LINGO1: variants seen among roughly 807,000 people sequenced by gnomAD.
LINGO1 encodes leucine-rich repeat and immunoglobulin-like domain-containing nogo receptor-interacting protein 1.
Under a neutral mutation model 37.3 loss-of-function variants are expected in LINGO1, and 11 were observed. The ratio of observed to expected loss-of-function variants is 0.29; its 90% CI spans 0.19 to 0.49. LINGO1 has a LOEUF of 0.49. Among genes scored for constraint, LINGO1 ranks in the 20% least tolerant of loss-of-function variants. LINGO1 has a pLI of 0.99. For synonymous variants in LINGO1, 387 were observed against 403.0 expected, an observed-to-expected ratio of 0.96 and a Z score of 0.48; for missense variants, 585 against 878.2, an observed-to-expected ratio of 0.67 and a Z score of 4.22.
At chr15:77,746,807 C>T (rs1455485151) in intron 1 of LINGO1, among the ~76,000 whole-genome samples, 3 of 152,156 alleles carry the variant, frequency 2.0e-5, no homozygotes, top group Admixed American at 6.5e-5. Flanking sequence ...AATGAATGTG[C>T]TGGCCAGAGC....
At chr15:77,777,322 G>A (rs1195993820) in intron 1 of LINGO1, among the ~76,000 whole-genome samples, 6 of 151,792 alleles carry the variant, frequency 4.0e-5, no homozygotes, top group East Asian at 1.9e-4. Flanking sequence ...CAGCACAGGC[G>A]CACACACTTG....
At chr15:77,760,484 G>T (rs993444160) in intron 1 of LINGO1, among the ~76,000 whole-genome samples, 2 of 152,232 alleles carry the variant, frequency 1.3e-5, no homozygotes, top group Non-Finnish European at 2.9e-5. Flanking sequence ...TAGGAATCTG[G>T]ATTTCTGGTT....
At chr15:77,670,085 G>C (rs958199435) in intron 3 of LINGO1, among the ~76,000 whole-genome samples, 1 of 152,182 alleles carries the variant, frequency 6.6e-6, no homozygotes, top group African/African-American at 2.4e-5. Context: ...CTGAGCAATG[G>C]AAGCCAGGCA....
At chr15:77,752,689 C>G (rs2076383595) in intron 1 of LINGO1, among the ~76,000 whole-genome samples, 1 of 152,208 alleles carries the variant, frequency 6.6e-6, no homozygotes, top group South Asian at 2.1e-4. Context: ...CGGATTCTGA[C>G]ACCAGAGCAG....
At chr15:77,644,475 A>C (rs1054596158) in intron 3 of LINGO1, among the ~76,000 whole-genome samples, 7 of 152,166 alleles carry the variant, frequency 4.6e-5, no homozygotes, top group Admixed American at 2.0e-4. Context: ...TTGAGCATCT[A>C]CCTGCTTCTT....
In LINGO1 at chr15:77,695,859, T is replaced by G. The variant is rs1421333741; in HGVS notation, c.-281+532A>C. On this transcript the variant is annotated intron_variant, in intron 1 of 3. Transcript: ENST00000559893. Reference sequence around the variant, plus strand: ...AAGGTTTAAGCAACAGCCTTTCCACTGAACATTTTAGAAGAAAAATATCTT... The same window carrying G: ...AAGGTTTAAGCAACAGCCTTTCCACGGAACATTTTAGAAGAAAAATATCTT... 3 of 150,886 alleles carry G rather than the reference T, an allele frequency of 2.0e-5. No homozygotes were observed. The South Asian group carries it at 6.3e-4, about 31-fold the overall frequency. The allele number at this position is 150,886 out of a possible 1,614,324, so 9.3% of individuals were successfully genotyped here.
At chr15:77,738,971 G>C (rs928013578) in intron 1 of LINGO1, among the ~76,000 whole-genome samples, 1 of 152,268 alleles carries the variant, frequency 6.6e-6, no homozygotes, top group Non-Finnish European at 1.5e-5. Context: ...AGGTGGAAGC[G>C]AGACTGAGGT....
chr15:77,638,132 T>G (rs928040161), upstream of LINGO1, among the ~76,000 whole-genome samples: 1 of 152,242 alleles, frequency 6.6e-6, no homozygotes, highest in Non-Finnish European at 1.5e-5. Flanking sequence ...ACAGAAGCCC[T>G]GGCAGAGAAA....
chr15:77,713,210 T>TTGCG (rs1555533525), intron 2 of LINGO1, among the ~76,000 whole-genome samples: 1 of 123,722 alleles, frequency 8.1e-6, no homozygotes, highest in Non-Finnish European at 1.6e-5. Context: ...GCCCAGCTAA[T>TTGCG]TGTGTGTGTG....
intron 2 of LINGO1, among the ~76,000 whole-genome samples, chr15:77,718,163 C>T (rs1199871129): frequency 6.6e-6 from 1 of 150,940 alleles, no homozygotes; most frequent in Non-Finnish European, 1.5e-5. Context: ...GAGCCACCTT[C>T]TTCCAGGGCC....
At chr15:77,808,596 GCA>G (rs1041467157) in intron 1 of LINGO1, among the ~76,000 whole-genome samples, 1 of 152,152 alleles carries the variant, frequency 6.6e-6, no homozygotes, top group African/African-American at 2.4e-5. Context: ...CCCAGCTGCA[GCA>G]CAGACTCCCC....
intron 1 of LINGO1, among the ~76,000 whole-genome samples, chr15:77,770,163 G>C (rs369220012): frequency 1.3e-5 from 2 of 152,152 alleles, no homozygotes; most frequent in African/African-American, 2.4e-5. Flanking sequence ...AGAGCAGCAG[G>C]CTCCGAAACC....
chr15:77,703,766 G>GT (rs34924506), intron 2 of LINGO1, among the ~76,000 whole-genome samples: 11,931 of 152,220 alleles, frequency 0.078, 511 homozygotes, highest in Middle Eastern at 0.13. Flanking sequence ...CCAGCTGCTG[G>GT]TGACAGGACC....
intron 1 of LINGO1, among the ~76,000 whole-genome samples, chr15:77,629,698 C>T (rs2074196578): frequency 6.6e-6 from 1 of 152,218 alleles, no homozygotes; most frequent in African/African-American, 2.4e-5. Flanking sequence ...TCTGTCCCAT[C>T]CCAGGGGCCA....
Position 77,632,884 on chromosome 15 carries a change from G to T in LINGO1, c.-569C>A, listed in dbSNP as rs1333819795. ...GCGCCGGCTCCCGCTCGGGCTCCGC[G>T]CTCTGCAGCGGCGCGGGGAGGGAGC... On this transcript the variant is annotated 5_prime_UTR_variant, in exon 1 of 2. Transcript: ENST00000355300. The surrounding 1 kb of genome is among the most constrained non-coding windows in gnomAD (Gnocchi z 6.0). 6.6e-6 allele frequency among the ~76,000 whole-genome samples: 1 copy of T among 150,578 alleles called. No individual in the cohort carries two copies. The highest frequency in any genetic ancestry group is 1.5e-5 in the Non-Finnish European group (1 of 67,408).
chr15:77,699,605 T>G (rs547604682), upstream of LINGO1, among the ~76,000 whole-genome samples: 336 of 143,888 alleles, frequency 2.3e-3, no homozygotes, highest in African/African-American at 8.4e-3. Flanking sequence ...AGTAAACACA[T>G]ACTAACCATC....
chr15:77,778,372 CA>C (rs1288956418), intron 1 of LINGO1, among the ~76,000 whole-genome samples: 1 of 152,250 alleles, frequency 6.6e-6, no homozygotes, highest in African/African-American at 2.4e-5. Context: ...GTAGATTTCA[CA>C]GGTTCCAGGG....
chr15:77,806,984 C>T (rs1464437154), intron 1 of LINGO1, among the ~76,000 whole-genome samples: 1 of 152,184 alleles, frequency 6.6e-6, no homozygotes, highest in African/African-American at 2.4e-5. Flanking sequence ...ACCTGCCATG[C>T]AAAGCTCTCC....
At chr15:77,748,909 C>CTTTTT (rs67399483) in intron 1 of LINGO1, among the ~76,000 whole-genome samples, 2 of 87,792 alleles carry the variant, frequency 2.3e-5, no homozygotes, top group African/African-American at 4.3e-5. Flanking sequence ...CCTTCCTTCT[C>CTTTTT]TTTTTTTTTT....
Sources: allele counts gnomAD v4.1 joint callset (sites outside exome capture counted in the v4.1 genomes callset), GRCh38; gene constraint gnomAD v4.1.1; non-coding constraint Gnocchi (gnomAD v3.1); transcripts MANE v1.5; gene names NCBI Gene and HGNC (gene_info 2026-07-23, HGNC 2026-07-21).